ZFHX2: variants seen among roughly 807,000 people sequenced by gnomAD.
ZFHX2 encodes the protein zinc finger homeobox 2.
ZFHX2 carries 75 observed loss-of-function variants against 164.8 expected under a neutral mutation model. The ratio of observed to expected loss-of-function variants is 0.46; its 90% CI spans 0.38 to 0.55. The LOEUF is 0.55. Among genes scored for constraint, ZFHX2 ranks in the 20% least tolerant of loss-of-function variants. The pLI, the probability that ZFHX2 is intolerant of heterozygous loss-of-function variation, is 0.00. For synonymous variants in ZFHX2, 1,217 were observed against 1,351.4 expected, an observed-to-expected ratio of 0.90 and a Z score of 2.18; for missense variants, 2,933 against 3,308.0, an observed-to-expected ratio of 0.89 and a Z score of 2.78.
chr14:23,530,002 CT>C, intron 5 of ZFHX2, 117 bp downstream of exon 5: 2 of 1,148,338 alleles, frequency 1.7e-6, no homozygotes, highest in Admixed American at 4.0e-5. Context: ...CTGATGAGCC[CT>C]TTCTTTAATC....
chr14:23,550,452 T>C (rs759326544), intron 1 of ZFHX2, among the ~76,000 whole-genome samples: 13 of 152,258 alleles, frequency 8.5e-5, no homozygotes, highest in Non-Finnish European at 1.6e-4. Flanking sequence ...CACATAGTGA[T>C]AGAGACACAC....
Position 23,523,765 on chromosome 14 carries a change from A to G in ZFHX2, c.6177T>C (p.Val2059=). ...TSGGPGGGTG[V]PDGMGQRRYR... The stretch of plus-strand genomic sequence containing the variant: ...AGCGCCGCTGCCCCATTCCATCTGG[A>G]ACCCCAGTCCCACCTCCAGGTCCCC... The change falls in exon 9 of 10, where the codon GTT becomes GTC. Residue 2059 remains valine (V), a synonymous_variant. Transcript: ENST00000419474. This position sits in a 1 kb window ranked among gnomAD's most constrained non-coding sequence, Gnocchi z 4.1. The G allele has an allele frequency of 6.5e-7, 1 of 1,536,044 alleles. No homozygotes were observed. The highest frequency in any genetic ancestry group is 8.7e-7 in the Non-Finnish European group (1 of 1,146,876).
upstream of ZFHX2, among the ~76,000 whole-genome samples, chr14:23,553,666 G>A (rs564368792): frequency 1.7e-3 from 256 of 151,940 alleles, no homozygotes; most frequent in Middle Eastern, 3.4e-3. Flanking sequence ...AGGTGGAGGC[G>A]GGTGGATCAC....
At chr14:23,527,910 T>A in intron 6 of ZFHX2, 106 bp from the exon 7 acceptor site, 4 of 1,045,400 alleles carry the variant, frequency 3.8e-6, no homozygotes, top group Non-Finnish European at 5.4e-6. Context: ...CCTTTTTTTT[T>A]TTTTTTTTTT....
In ZFHX2 at chr14:23,524,806, TTCC is replaced by T. The variant is rs922915579; in HGVS notation, c.5133_5135del (p.Glu1713del). 3.5e-5 allele frequency: 54 copies of T among 1,536,884 alleles called. No homozygotes were observed. The African/African-American group carries it at 6.2e-4, about 18-fold the overall frequency. On this transcript the variant is annotated inframe_deletion, in exon 9 of 10. Transcript: ENST00000419474. The surrounding 1 kb of genome is among the most constrained non-coding windows in gnomAD (Gnocchi z 5.6). ...CCTCTACTTCTTCTTCTTCCACCTC[TTCC>T]TCCTCTTCCCCTCTCTCTGCCTCTT...
chr14:23,524,946 T>C lies in ZFHX2; in HGVS notation c.4996A>G (p.Thr1666Ala), dbSNP rs1199457820. The change falls in exon 9 of 10, where the codon ACT becomes GCT. Residue 1666 changes from threonine (T) to alanine (A), a missense_variant. By Grantham distance (58) the Thr-to-Ala change is moderately conservative. Coordinates refer to ENST00000419474, the MANE Select transcript of ZFHX2 (RefSeq NM_033400.3). The surrounding 1 kb of genome is among the most constrained non-coding windows in gnomAD (Gnocchi z 5.6). ...CGCCTGCAGCCGGAGGCTCCCCCAG[T>C]GCCTCCTCCGGTTGGCATGGACCCA... ...EGGSMPTGGG[T>A]GGASGCRRCH... is the part of the protein sequence containing the mutation. The C allele has an allele frequency of 1.3e-6, 2 of 1,536,266 alleles. No homozygotes were observed. Among genetic ancestry groups the C allele is most frequent in the South Asian group, 2.4e-5 (2 of 84,066 alleles).
At chr14:23,549,353 G>A (rs575738871) in intron 1 of ZFHX2, among the ~76,000 whole-genome samples, 5 of 151,826 alleles carry the variant, frequency 3.3e-5, no homozygotes, top group South Asian at 2.1e-4. Context: ...CTCTGAAATC[G>A]TCCATCTTCT....
chr14:23,533,210 T>A lies in ZFHX2; in HGVS notation c.2041+75A>T. 7.0e-7 allele frequency: 1 copy of A among 1,435,748 alleles called. No homozygotes were observed. The highest frequency in any genetic ancestry group is 9.1e-7 in the Non-Finnish European group (1 of 1,099,308). The allele number at this position is 1,435,748 out of a possible 1,614,324, so 88.9% of individuals were successfully genotyped here. A position where few individuals can be genotyped will look rare whatever the true frequency, so the allele number is the denominator to read the frequency against. On this transcript the variant is annotated intron_variant, in intron 2 of 9. Transcript: ENST00000419474. The surrounding 1 kb of genome is among the most constrained non-coding windows in gnomAD (Gnocchi z 4.8). ...ACTTATGGTTACCTAAGTGGGGAGT[T>A]GGTCCTTGGGAGAAAGCACGGAATA...
intron 6 of ZFHX2, among the ~76,000 whole-genome samples, 198 bp from the exon 7 acceptor site, chr14:23,528,002 G>A (rs1878998072): frequency 6.6e-6 from 1 of 151,068 alleles, no homozygotes; most frequent in African/African-American, 2.4e-5. Flanking sequence ...CGCCTTCCAG[G>A]TTCAAGCAAT....
chr14:23,545,690 A>G (rs144749763), intron 1 of ZFHX2, among the ~76,000 whole-genome samples: 1 of 152,238 alleles, frequency 6.6e-6, no homozygotes, highest in Non-Finnish European at 1.5e-5. Context: ...GAAGAAAGGC[A>G]TCTGTGGCCC....
rs1274999300 is a variant in ZFHX2, at chr14:23,522,139, C to T, written c.7542G>A (p.Leu2514=). The change falls in exon 10 of 10, where the codon CTG becomes CTA. Residue 2514 remains leucine (L), a synonymous_variant. Transcript: ENST00000419474. ...LSGREALASH[L]RSSAHRRKAA... is the part of the protein sequence containing the mutation. ...CCTTGCGCCTGTGGGCCGAGGAGCG[C>T]AGGTGGGAGGCTAGGGCTTCACGCC... 1.3e-6 allele frequency: 2 copies of T among 1,524,466 alleles called. No individual in the cohort carries two copies. The highest frequency in any genetic ancestry group is 1.8e-6 in the Non-Finnish European group (2 of 1,141,070). 94.4% of individuals were successfully genotyped at this position (1,524,466 alleles called of 1,614,324 possible).
chr14:23,533,312 C>A lies in ZFHX2; in HGVS notation c.2014G>T (p.Ala672Ser). 1.4e-6 allele frequency: 2 copies of A among 1,437,790 alleles called. No homozygotes were observed. The highest frequency in any genetic ancestry group is 2.9e-5 in the African/African-American group (2 of 69,802). 89.1% of individuals were successfully genotyped at this position (1,437,790 alleles called of 1,614,324 possible). The change falls in exon 2 of 10, where the codon GCA becomes TCA. Residue 672 changes from alanine (A) to serine (S), a missense_variant. Ala to Ser is a moderately conservative substitution (Grantham distance 99). Transcript: ENST00000419474. The surrounding 1 kb of genome is among the most constrained non-coding windows in gnomAD (Gnocchi z 4.8). The stretch of plus-strand genomic sequence containing the variant: ...GATGTGGGGAACTTGCGGGCAGGTG[C>A]TCCTACGTGGTGGAAACCATTGAGA... ...LLLNGFHHVG[A>S]PARKFPTSAP...
At chr14:23,544,255 A>G (rs2138882196) in intron 1 of ZFHX2, 1 of 151,760 alleles carries the variant, frequency 6.6e-6, no homozygotes, top group Admixed American at 6.6e-5. Context: ...ACCCTGTCTA[A>G]AAACAAACAC....
At chr14:23,528,607 A>G (rs1414371528) in intron 6 of ZFHX2, 3 of 985,198 alleles carry the variant, frequency 3.0e-6, no homozygotes, top group African/African-American at 3.5e-5. Context: ...TCTGTGAACC[A>G]TCACCTGGAA....
At position 23,546,551 on chromosome 14, in the gene ZFHX2, C is replaced by T. The variant is rs1881403871; in HGVS notation, c.-50+4792G>A. ...CCTACATGAGGAAGCCACTGAGAGC[C>T]CATGGGATTACCCTACGGGGCTGGA... On this transcript the variant is annotated intron_variant, in intron 1 of 9. Coordinates refer to ENST00000419474, the MANE Select transcript of ZFHX2 (RefSeq NM_033400.3). The surrounding 1 kb of genome is among the most constrained non-coding windows in gnomAD (Gnocchi z 4.7). Among the ~76,000 whole-genome samples, 1 of 152,054 alleles carries T rather than the reference C, an allele frequency of 6.6e-6. No homozygotes were observed. Among genetic ancestry groups the T allele is most frequent in the Admixed American group, 6.5e-5 (1 of 15,278 alleles).
At chr14:23,540,403 C>T (rs1320370585) in intron 1 of ZFHX2, among the ~76,000 whole-genome samples, 1 of 152,186 alleles carries the variant, frequency 6.6e-6, no homozygotes, top group African/African-American at 2.4e-5. Context: ...TTGCCTCAGG[C>T]ATTGCACCCT....
chr14:23,527,902 T>C (rs34341588), intron 6 of ZFHX2, 98 bp from the exon 7 acceptor site: 5 of 114,810 alleles, frequency 4.4e-5, no homozygotes, highest in Non-Finnish European at 8.0e-5. Context: ...CCCCCACTCC[T>C]TTTTTTTTTT....
intron 1 of ZFHX2, among the ~76,000 whole-genome samples, chr14:23,537,657 A>C (rs907596030): frequency 6.6e-6 from 1 of 152,084 alleles, no homozygotes; most frequent in Non-Finnish European, 1.5e-5. Context: ...AGGTCGGGGG[A>C]GTTGGAGAAC....
intron 3 of ZFHX2, 194 bp downstream of exon 3, chr14:23,532,373 G>T: frequency 1.6e-6 from 1 of 641,212 alleles, no homozygotes; most frequent in Non-Finnish European, 2.3e-6. Context: ...ACTTGTCAGA[G>T]TTTACTATCC....
Sources: allele counts gnomAD v4.1 joint callset (sites outside exome capture counted in the v4.1 genomes callset), GRCh38; gene constraint gnomAD v4.1.1; non-coding constraint Gnocchi (gnomAD v3.1); transcripts MANE v1.5; gene names NCBI Gene and HGNC (gene_info 2026-07-23, HGNC 2026-07-21).